NNT: variants seen among roughly 807,000 people sequenced by gnomAD.
NNT encodes the protein NAD(P) transhydrogenase, mitochondrial.
A neutral mutation model predicts 104.8 loss-of-function variants in NNT; 50 were observed. The observed-to-expected ratio is 0.48, with a 90% CI of 0.38 to 0.60. The LOEUF (loss-of-function observed/expected upper bound fraction) is 0.60, where lower values mean the gene tolerates loss of function less well. NNT is among the 20% of genes least tolerant of loss of function. The pLI is 0.00. For missense variants in NNT, 1,131 were observed against 1,330.7 expected (o/e 0.85, Z 2.33); for synonymous variants, 461 against 490.4 (o/e 0.94, Z 0.79).
At chr5:43,700,311 T>TCTACAATTCATA in intron 20 of NNT, 74 bp downstream of exon 20, 1 of 1,068,974 alleles carries the variant, frequency 9.4e-7, no homozygotes, top group Non-Finnish European at 1.4e-6. Context: ...GGGATATGAA[T>TCTACAATTCATA]TGTAGATTCA....
In NNT at chr5:43,651,790, A is replaced by C. The variant is rs762456997; in HGVS notation, c.1769A>C (p.Asp590Ala). 6.2e-7 allele frequency: 1 copy of C among 1,613,404 alleles called. No homozygotes were observed. Among genetic ancestry groups the C allele is most frequent in the Non-Finnish European group, 8.5e-7 (1 of 1,179,868 alleles). ...RMLDMFKRPT[D>A]PPEYNYLYLL... ...CTGGACATGTTCAAGCGTCCCACTGACCCCCCAGAATACAACTACCTGTAC... is the reference window on the plus strand; with the variant it reads ...CTGGACATGTTCAAGCGTCCCACTGCCCCCCCAGAATACAACTACCTGTAC... The change falls in exon 13 of 22, where the codon GAC (aspartate) becomes GCC (alanine). Residue 590 changes from aspartate (D) to alanine (A), a missense_variant. Asp to Ala is a moderately radical substitution (Grantham distance 126). Coordinates refer to ENST00000344920, the MANE Select transcript of NNT (RefSeq NM_182977.3).
intron 8 of NNT, 34 bp from the exon 9 acceptor site, chr5:43,644,577 A>G (rs748263466): frequency 6.4e-7 from 1 of 1,551,688 alleles, no homozygotes; most frequent in South Asian, 1.2e-5. Flanking sequence ...ACATAGGGTG[A>G]TAGACCTTTT....
At chr5:43,628,089 A>T (rs1750461652) in intron 6 of NNT, 111 bp from the exon 7 acceptor site, 1 of 781,114 alleles carries the variant, frequency 1.3e-6, no homozygotes, top group Admixed American at 3.1e-5. Context: ...GGGACTGTTG[A>T]CTTTTGAATA....
At position 43,675,821 on chromosome 5, in the gene NNT, A is replaced by G. The variant is rs989385120; in HGVS notation, c.2794+151A>G. 69 of 611,574 alleles carry G rather than the reference A, an allele frequency of 1.1e-4. No individual in the cohort carries two copies. In the African/African-American group the frequency reaches 1.1e-3, roughly 10 times the overall value. 37.9% of individuals were successfully genotyped at this position (611,574 alleles called of 1,614,324 possible). A position where few individuals can be genotyped will look rare whatever the true frequency, so the allele number is the denominator to read the frequency against. ...CAAATCTATGATTACTAAGTGAAAA[A>G]TACTGAGAATTCTCAGTTTAAATTA... On this transcript the variant is annotated intron_variant, in intron 18 of 21. Transcript: ENST00000344920.
At chr5:43,609,100 T>G in intron 1 of NNT, 43 bp from the exon 2 acceptor site, 1 of 920,650 alleles carries the variant, frequency 1.1e-6, no homozygotes, top group East Asian at 2.4e-5. Context: ...AGACAAATAG[T>G]TTTTTTCTTG....
chr5:43,675,641 G>C lies in NNT; in HGVS notation c.2765G>C (p.Arg922Pro). 6.2e-7 allele frequency: 1 copy of C among 1,608,564 alleles called. No individual in the cohort carries two copies. Among genetic ancestry groups the C allele is most frequent in the Non-Finnish European group, 8.5e-7 (1 of 1,177,754 alleles). ...CTTGACAATGCAATTGACATGATTC[G>C]AGAAGCTAATAGCATTATTATTACA... ...INLDNAIDMIREANSIIITPG... is the reference protein window; with the variant it reads ...INLDNAIDMIPEANSIIITPG... Residue 922 changes from arginine to proline, a missense_variant, in exon 18 of 22, where the codon CGA (arginine) becomes CCA (proline). Arg to Pro is a moderately radical substitution (Grantham distance 103, BLOSUM62 -2). Transcript: ENST00000344920.
At chr5:43,632,568 A>C (rs2111732216) in intron 7 of NNT, among the ~76,000 whole-genome samples, 2 of 152,132 alleles carry the variant, frequency 1.3e-5, no homozygotes. Context: ...CCGTCATCTC[A>C]CCCCCCTATT....
intron 17 of NNT, among the ~76,000 whole-genome samples, chr5:43,660,369 C>G (rs1740290852): frequency 6.6e-6 from 1 of 152,140 alleles, no homozygotes; most frequent in South Asian, 2.1e-4. Context: ...CTGTTTGTTT[C>G]AAGTTCTCTT....
rs1741340267 is a variant in NNT at position 43,675,076 on chromosome 5, T to C, written c.2635-435T>C. 2.0e-5 allele frequency among the ~76,000 whole-genome samples: 3 copies of C among 152,144 alleles called. No individual in the cohort carries two copies. The South Asian group carries it at 6.2e-4, about 32-fold the overall frequency. ...GAGGGCAGCAAAATTCTAGATGAAA[T>C]GGATCTTTACTGTTTTGATTCTTAC... On this transcript the variant is annotated intron_variant, in intron 17 of 21. Coordinates refer to ENST00000344920, the MANE Select transcript of NNT (RefSeq NM_182977.3).
At chr5:43,682,346 G>T (rs1019868542) in intron 19 of NNT, among the ~76,000 whole-genome samples, 3 of 151,694 alleles carry the variant, frequency 2.0e-5, no homozygotes, top group Non-Finnish European at 4.4e-5. Context: ...AAGTAGCTGG[G>T]ATTACAGGCA....
chr5:43,671,870 G>T (rs1437075852), intron 17 of NNT, among the ~76,000 whole-genome samples: 1 of 152,226 alleles, frequency 6.6e-6, no homozygotes, highest in Non-Finnish European at 1.5e-5. Flanking sequence ...ATAATATCCT[G>T]CAGAGTGTTT....
At chr5:43,656,882 T>C in intron 16 of NNT, 69 bp downstream of exon 16, 1 of 1,428,290 alleles carries the variant, frequency 7.0e-7, no homozygotes, top group Admixed American at 2.3e-5. Context: ...GATTAAAGTG[T>C]AATCATATTT....
At chr5:43,683,733 AT>A (rs1741840261) in intron 19 of NNT, among the ~76,000 whole-genome samples, 1 of 152,256 alleles carries the variant, frequency 6.6e-6, no homozygotes, top group Admixed American at 6.5e-5. Flanking sequence ...GAAAGATGAA[AT>A]TATGTATAAT....
chr5:43,608,458 G>T, intron 1 of NNT, among the ~76,000 whole-genome samples: 1 of 152,288 alleles, frequency 6.6e-6, no homozygotes, highest in African/African-American at 2.4e-5. Flanking sequence ...CATAGTTATG[G>T]CCACATCAGC....
At position 43,645,417 on chromosome 5, in the gene NNT, A is replaced by C; in HGVS notation, c.1351A>C (p.Lys451Gln). The part of the protein sequence containing the change: ...PKNIPQGAPV[K>Q]QKTVAELEAE... The stretch of plus-strand genomic sequence containing the variant: ...AAATATTCCTCAAGGTGCCCCAGTA[A>C]AACAGAAGACAGTGGCTGAGCTGGA... The change falls in exon 10 of 22, where the codon AAA (lysine) becomes CAA (glutamine). Residue 451 changes from lysine to glutamine, a missense_variant. Transcript: ENST00000344920. 1 of 1,569,678 alleles carries C rather than the reference A, an allele frequency of 6.4e-7. No individual in the cohort carries two copies. The highest frequency in any genetic ancestry group is 8.6e-7 in the Non-Finnish European group (1 of 1,156,522).
chr5:43,622,542 A>G (rs1296393501), intron 5 of NNT, among the ~76,000 whole-genome samples: 1 of 152,244 alleles, frequency 6.6e-6, no homozygotes, highest in African/African-American at 2.4e-5. Context: ...CGCTGGGATC[A>G]CAGGCCTGAG....
chr5:43,644,906 A>G, intron 9 of NNT, 104 bp downstream of exon 9: 1 of 890,372 alleles, frequency 1.1e-6, no homozygotes, highest in Non-Finnish European at 1.7e-6. Context: ...TATTTTAATA[A>G]GGTATTGGTA....
At chr5:43,642,969 G>A (rs988348350) in intron 7 of NNT, among the ~76,000 whole-genome samples, 6 of 152,114 alleles carry the variant, frequency 3.9e-5, no homozygotes, top group Non-Finnish European at 5.9e-5. Flanking sequence ...CTGTTGTCCC[G>A]GCTGGAGTGC....
intron 10 of NNT, chr5:43,648,002 C>A: frequency 2.4e-6 from 2 of 838,708 alleles, no homozygotes; most frequent in Non-Finnish European, 3.5e-6. Context: ...CCTGAGATGA[C>A]ACAGCTAGGG....
Sources: gnomAD v4.1 joint callset for allele counts (sites outside exome capture counted in the v4.1 genomes callset) on GRCh38, gnomAD v4.1.1 for gene constraint, MANE v1.5 for transcripts, NCBI Gene and HGNC (gene_info 2026-07-23, HGNC 2026-07-21) for gene names.